Variants in TIGIT observed in about 807,000 individuals in gnomAD.
The protein encoded by TIGIT is T cell immunoreceptor with Ig and ITIM domains.
Under a neutral mutation model 19.6 loss-of-function variants are expected in TIGIT, and 11 were observed. The ratio of observed to expected loss-of-function variants is 0.56; its 90% confidence interval spans 0.35 to 0.93. The LOEUF (loss-of-function observed/expected upper bound fraction) is 0.93. Among genes scored for constraint, TIGIT ranks in the 40% least tolerant of loss-of-function variants. The pLI, the probability that TIGIT is intolerant of heterozygous loss-of-function variation, is 0.01. For synonymous variants in TIGIT, 130 were observed against 125.5 expected (o/e 1.04, Z -0.24); for missense variants, 295 against 303.9 (o/e 0.97, Z 0.22).
intron 1 of TIGIT, chr3:114,294,874 T>C (rs1460717403): frequency 6.6e-6 from 1 of 152,332 alleles, no homozygotes; most frequent in Non-Finnish European, 1.5e-5. Flanking sequence ...GGATAATGCA[T>C]CCAGCATAGA....
In TIGIT at chr3:114,308,893, G is replaced by C. The variant is rs1210005371; in HGVS notation, c.*762G>C. ...TGAAAGTCCCACAAAGAAGGCCCTGGCACCAAGGGAGTCAGCAAACTTCAG... is the reference window on the plus strand; with the variant it reads ...TGAAAGTCCCACAAAGAAGGCCCTGCCACCAAGGGAGTCAGCAAACTTCAG... On this transcript the variant is annotated 3_prime_UTR_variant, in exon 4 of 4. Transcript: ENST00000383671. 6.6e-6 allele frequency: 1 copy of C among 152,236 alleles called. No homozygotes were observed. Among genetic ancestry groups the C allele is most frequent in the African/African-American group, 2.4e-5 (1 of 41,442 alleles). 9.4% of individuals were successfully genotyped at this position (152,236 alleles called of 1,614,324 possible).
chr3:114,307,823 G>C (rs764517190), intron 3 of TIGIT, 72 bp from the exon 4 acceptor site: 13 of 1,343,020 alleles, frequency 9.7e-6, no homozygotes, highest in Middle Eastern at 1.8e-4. Flanking sequence ...AAGGAAGAGA[G>C]AGATGTCATA....
At chr3:114,300,372 T>TAA (rs578124033) in intron 3 of TIGIT, among the ~76,000 whole-genome samples, 50 of 139,080 alleles carry the variant, frequency 3.6e-4, no homozygotes, top group African/African-American at 1.2e-3. Flanking sequence ...ACTCTATCTC[T>TAA]AAAAAAAAAA....
intron 3 of TIGIT, among the ~76,000 whole-genome samples, chr3:114,303,733 T>G (rs1169776556): frequency 6.6e-6 from 1 of 151,680 alleles, no homozygotes; most frequent in Non-Finnish European, 1.5e-5. Flanking sequence ...CAATTGCAAA[T>G]TGTGCTGCTT....
chr3:114,304,911 A>G (rs941221481), intron 3 of TIGIT, among the ~76,000 whole-genome samples: 4 of 152,120 alleles, frequency 2.6e-5, no homozygotes, highest in Non-Finnish European at 5.9e-5. Context: ...TGGCATAGAA[A>G]ATTTACCTAG....
At chr3:114,300,821 C>G (rs756997452) in intron 3 of TIGIT, among the ~76,000 whole-genome samples, 1 of 152,126 alleles carries the variant, frequency 6.6e-6, no homozygotes, top group Non-Finnish European at 1.5e-5. Context: ...ACCTAACCCA[C>G]TCCTGAGATA....
At chr3:114,300,388 T>G (rs1051964030) in intron 3 of TIGIT, among the ~76,000 whole-genome samples, 2 of 149,968 alleles carry the variant, frequency 1.3e-5, no homozygotes, top group African/African-American at 4.9e-5. Context: ...AAAAAAAAAA[T>G]TGGTGGTAAA....
Position 114,299,682 on chromosome 3 carries a change from G to T in TIGIT, c.477G>T (p.Val159=). 1 of 1,612,352 alleles carries T rather than the reference G, an allele frequency of 6.2e-7. No homozygotes were observed. ...TGGTCATCTGCACAGCAGTCATCGT[G>T]GTGGTCGCGTTGACTAGAAAGGTAA... ...TLVVICTAVI[V]VVALTRKKKA... is the part of the protein sequence containing the mutation. Residue 159 remains valine, a synonymous_variant, in exon 3 of 4, where the codon GTG becomes GTT. Coordinates refer to ENST00000383671, the MANE Select transcript of TIGIT (RefSeq NM_173799.4).
At position 114,307,956 on chromosome 3, in the gene TIGIT, A is replaced by G; in HGVS notation, c.560A>G (p.Glu187Gly). ...CTCAGGAGAAAATCAGCTGGACAGG[A>G]GGAATGGAGCCCCAGTGCTCCCTCA... The part of the protein sequence containing the change: ...GDLRRKSAGQ[E>G]EWSPSAPSPP... Residue 187 changes from glutamate to glycine, a missense_variant, in exon 4 of 4, where the codon GAG (glutamate) becomes GGG (glycine). Glu to Gly is a moderately conservative substitution (Grantham distance 98). Coordinates refer to ENST00000383671, the MANE Select transcript of TIGIT (RefSeq NM_173799.4). 1 of 1,614,162 alleles carries G rather than the reference A, an allele frequency of 6.2e-7. No individual in the cohort carries two copies. Among genetic ancestry groups the G allele is most frequent in the African/African-American group, 1.3e-5 (1 of 75,044 alleles).
chr3:114,302,249 A>G (rs970074095), intron 3 of TIGIT, among the ~76,000 whole-genome samples: 2 of 152,228 alleles, frequency 1.3e-5, no homozygotes, highest in Non-Finnish European at 2.9e-5. Flanking sequence ...AAGGGGACTC[A>G]TTGATGTAGT....
chr3:114,308,317 A>C lies in TIGIT; in HGVS notation c.*186A>C. The C allele has an allele frequency of 1.7e-6, 1 of 585,040 alleles. No individual in the cohort carries two copies. Among genetic ancestry groups the C allele is most frequent in the South Asian group, 2.2e-5 (1 of 45,858 alleles). The allele number at this position is 585,040 out of a possible 1,614,324, so 36.2% of individuals were successfully genotyped here. Reference sequence around the variant, plus strand: ...TTCCTTGGCCTTTTCGTTCTATTCCATTTTGCATTATGGCAGGCCTAGGGT... The same window carrying C: ...TTCCTTGGCCTTTTCGTTCTATTCCCTTTTGCATTATGGCAGGCCTAGGGT... On this transcript the variant is annotated 3_prime_UTR_variant, in exon 4 of 4. Transcript: ENST00000383671.
At chr3:114,303,562 TAC>T (rs1553776835) in intron 3 of TIGIT, among the ~76,000 whole-genome samples, 2 of 5,950 alleles carry the variant, frequency 3.4e-4, no homozygotes, top group Non-Finnish European at 6.0e-4. Context: ...TATATATATA[TAC>T]ATATATATGT....
In TIGIT at chr3:114,299,645, C is replaced by T. The variant is rs759155389; in HGVS notation, c.440C>T (p.Ala147Val). ...RFQIPLLGAMAATLVVICTAV... is the reference protein window; with the variant it reads ...RFQIPLLGAMVATLVVICTAV... The stretch of plus-strand genomic sequence containing the variant: ...CAGATTCCATTGCTTGGAGCCATGG[C>T]CGCGACGCTGGTGGTCATCTGCACA... The change falls in exon 3 of 4, where the codon GCC becomes GTC. Residue 147 changes from alanine (A) to valine (V), a missense_variant. Physicochemically the swap from Ala to Val is moderately conservative, Grantham distance 64. Coordinates refer to ENST00000383671, the MANE Select transcript of TIGIT (RefSeq NM_173799.4). The T allele has an allele frequency of 6.2e-7, 1 of 1,613,402 alleles. No individual in the cohort carries two copies. The highest frequency in any genetic ancestry group is 8.5e-7 in the Non-Finnish European group (1 of 1,179,978).
intron 3 of TIGIT, among the ~76,000 whole-genome samples, chr3:114,302,041 A>G (rs1040289713): frequency 1.3e-5 from 2 of 152,122 alleles, no homozygotes; most frequent in Admixed American, 1.3e-4. Context: ...GGGAGGGGCT[A>G]ATTATTGGAG....
At position 114,294,082 on chromosome 3, in the gene TIGIT, G is replaced by C; in HGVS notation, c.21G>C (p.Leu7=). The C allele has an allele frequency of 6.4e-7, 1 of 1,554,370 alleles. No homozygotes were observed. Among genetic ancestry groups the C allele is most frequent in the Non-Finnish European group, 8.7e-7 (1 of 1,148,122 alleles). ...GAAGCATGCGCTGGTGTCTCCTCCT[G>C]ATCTGGGCCCAGGGGCTGAGGCAGG... MRWCLL[L]IWAQGLRQAP... The change falls in exon 1 of 4, where the codon CTG becomes CTC. Residue 7 remains leucine (L), a synonymous_variant. Transcript: ENST00000383671.
chr3:114,303,573 GTATATATA>G (rs746613492), intron 3 of TIGIT, among the ~76,000 whole-genome samples: 21,640 of 46,530 alleles, frequency 0.47, 3,221 homozygotes, highest in Admixed American at 0.52. Context: ...ACATATATAT[GTATATATA>G]TATATACATA....
chr3:114,303,003 TTATATACAAATGAATGAC>T (rs2078501956), intron 3 of TIGIT, among the ~76,000 whole-genome samples: 1 of 152,194 alleles, frequency 6.6e-6, no homozygotes, highest in Non-Finnish European at 1.5e-5. Flanking sequence ...GTGCTATAGA[TTATATACAAATGAATGAC>T]TATGACTCTG....
chr3:114,299,723 A>T lies in TIGIT; in HGVS notation c.498+20A>T, dbSNP rs1358965308. The T allele has an allele frequency of 1.3e-6, 2 of 1,558,376 alleles. No individual in the cohort carries two copies. Among genetic ancestry groups the T allele is most frequent in the African/African-American group, 2.7e-5 (2 of 73,954 alleles). ...AGAAAGGTAATGGCTCCGGCTGCAC[A>T]CCGCAGTCATGGGCACCCCCACGTC... On this transcript the variant is annotated intron_variant, in intron 3 of 3. Coordinates refer to ENST00000383671, the MANE Select transcript of TIGIT (RefSeq NM_173799.4).
chr3:114,298,047 T>C (rs2078466642), intron 2 of TIGIT, among the ~76,000 whole-genome samples: 1 of 152,234 alleles, frequency 6.6e-6, no homozygotes, highest in Non-Finnish European at 1.5e-5. Flanking sequence ...ATACTATCTG[T>C]AATATTTAAG....
Sources: gnomAD v4.1 joint callset for allele counts (sites outside exome capture counted in the v4.1 genomes callset) on GRCh38, gnomAD v4.1.1 for gene constraint, MANE v1.5 for transcripts, NCBI Gene and HGNC (gene_info 2026-07-23, HGNC 2026-07-21) for gene names.